The following PCNX1 variants were observed in gnomAD, a reference collection of about 807,000 sequenced individuals.
PCNX1 encodes pecanex 1, also known as pecanex-like protein 1.
In PCNX1, 78 loss-of-function variants were observed where a neutral mutation model predicts 242.2. That is an observed-to-expected ratio of 0.32 (90% CI 0.27 to 0.39). PCNX1 has a LOEUF of 0.39. PCNX1 is among the 10% of genes least tolerant of loss of function. The pLI, the probability that PCNX1 is intolerant of heterozygous loss-of-function variation, is 1.00. For missense variants in PCNX1, 2,581 were observed against 2,856.5 expected (o/e 0.90, Z 2.20); for synonymous variants, 1,024 against 1,032.9 (o/e 0.99, Z 0.17).
At chr14:71,021,543 C>T in intron 12 of PCNX1, among the ~76,000 whole-genome samples, 1 of 152,088 alleles carries the variant, frequency 6.6e-6, no homozygotes, top group Non-Finnish European at 1.5e-5. Context: ...TTCTCTTCTC[C>T]ATTTATAGCT....
At chr14:71,105,191 A>G (rs1240534876) in intron 32 of PCNX1, 44 bp from the exon 33 acceptor site, 2 of 1,425,802 alleles carry the variant, frequency 1.4e-6, no homozygotes, top group Non-Finnish European at 2.0e-6. Context: ...CCCATTTTGA[A>G]GTGATCTTGG....
At position 71,005,996 on chromosome 14, in the gene PCNX1, CGCT is replaced by C. The variant is rs539980111; in HGVS notation, c.2630-3635_2630-3633del. Among the ~76,000 whole-genome samples, 13 of 147,830 alleles carry C rather than the reference CGCT, an allele frequency of 8.8e-5. No homozygotes were observed. The East Asian group carries it at 2.6e-3, about 29-fold the overall frequency. On this transcript the variant is annotated intron_variant, in intron 8 of 35. Transcript: ENST00000304743. The stretch of plus-strand genomic sequence containing the variant: ...GGAGGGCGGTGGCATGAACACAGTT[CGCT>C]GCAGCCGCAACCTCCTAGGCTTAAG...
At chr14:71,012,221 A>G (rs45498105) in intron 10 of PCNX1, 2,173 of 152,812 alleles carry the variant, frequency 0.014, 24 homozygotes, top group Middle Eastern at 0.034. Flanking sequence ...GTGGGAAGAA[A>G]TGAGAGTTGC....
At chr14:70,996,340 T>C (rs1375158271) in intron 8 of PCNX1, among the ~76,000 whole-genome samples, 2 of 152,186 alleles carry the variant, frequency 1.3e-5, no homozygotes, top group Non-Finnish European at 2.9e-5. Flanking sequence ...CTATAGAATC[T>C]TTCTTTAAGA....
rs1167269641 is a variant in PCNX1 at position 70,908,134 on chromosome 14, C to T, written c.153+131C>T. On this transcript the variant is annotated intron_variant, in intron 1 of 35. Coordinates refer to ENST00000304743, the MANE Select transcript of PCNX1 (RefSeq NM_014982.3). ...CGCCACCCTCTCGGTGTGAGGCTCC[C>T]CGCCCCCACTGCGTGCTCCCACTCC... 5.1e-6 allele frequency: 4 copies of T among 787,516 alleles called. No homozygotes were observed. In the African/African-American group the frequency reaches 5.5e-5, roughly 11 times the overall value. 48.8% of individuals were successfully genotyped at this position (787,516 alleles called of 1,614,324 possible). A position where few individuals can be genotyped will look rare whatever the true frequency, so the allele number is the denominator to read the frequency against.
intron 22 of PCNX1, among the ~76,000 whole-genome samples, chr14:71,050,215 A>C (rs1392179619): frequency 6.6e-6 from 1 of 151,892 alleles, no homozygotes. Flanking sequence ...GTACATGTGC[A>C]CAATGTGCAG....
Position 71,007,792 on chromosome 14 carries a change from A to AT in PCNX1, c.2630-1833dup, listed in dbSNP as rs543907802. The stretch of plus-strand genomic sequence containing the variant: ...AATTTTAAGTGAGCCGGTATTTTTT[A>AT]TTTTTTTTTCGGTAGCAACTTCTGT... On this transcript the variant is annotated intron_variant, in intron 8 of 35. Coordinates refer to ENST00000304743, the MANE Select transcript of PCNX1 (RefSeq NM_014982.3). 5.3e-3 allele frequency among the ~76,000 whole-genome samples: 796 copies of AT among 150,838 alleles called. 1 individual carries two copies. Among genetic ancestry groups the AT allele is most frequent in the Non-Finnish European group, 9.0e-3 (606 of 67,550 alleles).
In PCNX1 at chr14:71,043,242, T is replaced by C. The variant is rs945867601; in HGVS notation, c.3868-1891T>C. Among the ~76,000 whole-genome samples the C allele has an allele frequency of 3.1e-4, 47 of 152,292 alleles. 1 individual carries two copies. Among genetic ancestry groups the C allele is most frequent in the Middle Eastern group, 6.8e-3 (2 of 294 alleles). On this transcript the variant is annotated intron_variant, in intron 19 of 35. Coordinates refer to ENST00000304743, the MANE Select transcript of PCNX1 (RefSeq NM_014982.3). ...TGTTTTCAGAATTCTCTTTTTGTCT[T>C]TGACTTTTGACAGTTTGACTATAAT...
intron 6 of PCNX1, among the ~76,000 whole-genome samples, chr14:70,983,390 C>T (rs1004482280): frequency 5.3e-5 from 8 of 152,012 alleles, no homozygotes; most frequent in Admixed American, 1.3e-4. Context: ...CTGCAACCTC[C>T]GCCTCCCAGG....
chr14:71,110,763 G>C lies in PCNX1; in HGVS notation c.*828G>C, dbSNP rs116016. 686 of 152,550 alleles carry C rather than the reference G, an allele frequency of 4.5e-3. 4 individuals carry two copies. Among genetic ancestry groups the C allele is most frequent in the Non-Finnish European group, 6.0e-3 (410 of 67,972 alleles). 9.4% of individuals were successfully genotyped at this position (152,550 alleles called of 1,614,324 possible). A position where few individuals can be genotyped will look rare whatever the true frequency, so the allele number is the denominator to read the frequency against. On this transcript the variant is annotated 3_prime_UTR_variant, in exon 36 of 36. Coordinates refer to ENST00000304743, the MANE Select transcript of PCNX1 (RefSeq NM_014982.3). ...TCCCAGAGCCAATAGTCAGCGGATCGGTCTTGTGAACACCACTGCCAGCTC... is the reference window on the plus strand; with the variant it reads ...TCCCAGAGCCAATAGTCAGCGGATCCGTCTTGTGAACACCACTGCCAGCTC...
chr14:71,008,027 G>A (rs2059714589), intron 8 of PCNX1, among the ~76,000 whole-genome samples: 1 of 151,888 alleles, frequency 6.6e-6, no homozygotes, highest in South Asian at 2.1e-4. Flanking sequence ...AATGACCTGA[G>A]CATTTCACAG....
rs551259433 is a variant in PCNX1 at position 70,948,831 on chromosome 14, TATAA to T, written c.362+1714_362+1717del. ...ATCAGCATTTATTTTTATTTACTCG[TATAA>T]ATAAAATGTATGTGTGTATATATAC... is the stretch of plus-strand genomic sequence containing the variant. On this transcript the variant is annotated intron_variant, in intron 2 of 35. Transcript: ENST00000304743. 3.6e-3 allele frequency among the ~76,000 whole-genome samples: 531 copies of T among 147,668 alleles called. 1 individual carries two copies. Among genetic ancestry groups the T allele is most frequent in the African/African-American group, 0.013 (506 of 39,928 alleles).
At chr14:70,913,097 G>C (rs1482646164) in intron 1 of PCNX1, among the ~76,000 whole-genome samples, 1 of 151,816 alleles carries the variant, frequency 6.6e-6, no homozygotes, top group Admixed American at 6.6e-5. Flanking sequence ...TTGTCCTCTC[G>C]ATCATCCTCC....
intron 2 of PCNX1, among the ~76,000 whole-genome samples, chr14:70,953,025 T>C (rs2526848): frequency 0.49 from 74,100 of 152,000 alleles, 18,651 homozygotes; most frequent in Non-Finnish European, 0.55. Context: ...CCCAGCACTT[T>C]GGGAGGGAGA....
At position 71,057,714 on chromosome 14, in the gene PCNX1, T is replaced by C; in HGVS notation, c.4842T>C (p.Leu1614=). 1.2e-6 allele frequency: 2 copies of C among 1,609,960 alleles called. No homozygotes were observed. Among genetic ancestry groups the C allele is most frequent in the African/African-American group, 1.3e-5 (1 of 74,996 alleles). The change falls in exon 26 of 36, where the codon CTT becomes CTC. Residue 1614 remains leucine, a synonymous_variant. Coordinates refer to ENST00000304743, the MANE Select transcript of PCNX1 (RefSeq NM_014982.3). The part of the protein sequence containing the change: ...NGLVTFQLRG[L]EFRGTYCQQR... ...TGGTCACTTTTCAGCTGCGGGGACT[T>C]GAATTCAGAGGTAAGACATTCATTC... is the stretch of plus-strand genomic sequence containing the variant.
chr14:70,945,982 G>A (rs1361533133), intron 1 of PCNX1, among the ~76,000 whole-genome samples: 1 of 152,158 alleles, frequency 6.6e-6, no homozygotes, highest in Non-Finnish European at 1.5e-5. Flanking sequence ...TATTACCTCT[G>A]CCAGTAGTGA....
At chr14:70,929,995 A>T (rs1387207944) in intron 1 of PCNX1, among the ~76,000 whole-genome samples, 2 of 152,152 alleles carry the variant, frequency 1.3e-5, no homozygotes, top group East Asian at 1.9e-4. Flanking sequence ...TGTACATAAG[A>T]TTATTTTAGT....
chr14:70,950,729 A>C (rs561607596), intron 2 of PCNX1, among the ~76,000 whole-genome samples: 3 of 152,136 alleles, frequency 2.0e-5, no homozygotes, highest in East Asian at 3.9e-4. Context: ...TTTTTGAATT[A>C]CTAGTGAAAT....
Position 71,111,781 on chromosome 14 carries a change from A to G in PCNX1, c.*1846A>G, listed in dbSNP as rs901105195. 9.9e-5 allele frequency: 15 copies of G among 152,156 alleles called. No individual in the cohort carries two copies. Among genetic ancestry groups the G allele is most frequent in the African/African-American group, 3.6e-4 (15 of 41,456 alleles). The allele number at this position is 152,156 out of a possible 1,614,324, so 9.4% of individuals were successfully genotyped here. A position where few individuals can be genotyped will look rare whatever the true frequency, so the allele number is the denominator to read the frequency against. On this transcript the variant is annotated 3_prime_UTR_variant, in exon 36 of 36. Transcript: ENST00000304743. ...TAATGTGCCTTGTGTTGACATTTCC[A>G]TAGACTTCACACTTTACAAAATTTA...
Sources: allele counts gnomAD v4.1 joint callset (sites outside exome capture counted in the v4.1 genomes callset), GRCh38; gene constraint gnomAD v4.1.1; transcripts MANE v1.5; gene names NCBI Gene and HGNC (gene_info 2026-07-23, HGNC 2026-07-21).